CEP290: variants seen among roughly 807,000 people sequenced by gnomAD.
CEP290 encodes centrosomal protein of 290 kDa.
Under a neutral mutation model 344.9 loss-of-function variants are expected in CEP290, and 317 were observed. That is an observed-to-expected ratio of 0.92 (90% CI 0.84 to 1.01). The LOEUF (loss-of-function observed/expected upper bound fraction) is 1.01, where lower values mean the gene tolerates loss of function less well. Among genes scored for constraint, CEP290 ranks in the 50% least tolerant of loss-of-function variants. The probability of loss-of-function intolerance (pLI) is 0.00; values close to 1 mark genes in which losing one functional copy is unlikely to be tolerated. For synonymous variants in CEP290, 932 were observed against 895.8 expected, an observed-to-expected ratio of 1.04 and a Z score of -0.72; for missense variants, 2,754 against 2,761.4, an observed-to-expected ratio of 1.00 and a Z score of 0.06.
Position 88,053,542 on chromosome 12 carries a change from C to A in CEP290, c.7129+110G>T, listed in dbSNP as rs1330914155. 4.5e-5 allele frequency: 28 copies of A among 622,424 alleles called. No individual in the cohort carries two copies. The East Asian group carries it at 7.8e-4, about 17-fold the overall frequency. The allele number at this position is 622,424 out of a possible 1,614,324, so 38.6% of individuals were successfully genotyped here. ...AAAGACCCAAAGCTTATCAGGAATT[C>A]GATTTTACAGGGAGACAATGATCAG... On this transcript the variant is annotated intron_variant, in intron 52 of 53. Coordinates refer to ENST00000552810, the MANE Select transcript of CEP290 (RefSeq NM_025114.4).
At position 88,106,755 on chromosome 12, in the gene CEP290, C is replaced by G; in HGVS notation, c.2737G>C (p.Glu913Gln). 1 of 1,611,066 alleles carries G rather than the reference C, an allele frequency of 6.2e-7. No individual in the cohort carries two copies. Among genetic ancestry groups the G allele is most frequent in the Non-Finnish European group, 8.5e-7 (1 of 1,178,496 alleles). The change falls in exon 25 of 54, where the codon GAA becomes CAA. Residue 913 changes from glutamate (E) to glutamine (Q), a missense_variant. Physicochemically the swap from Glu to Gln is conservative, Grantham distance 29. Transcript: ENST00000552810. ...AATTCATTCTTTTGCTTCTCATTTT[C>G]TTTTCTAAGTTGTCGCTCCAATTCT... is the stretch of plus-strand genomic sequence containing the variant. ...LVELERQLRK[E>Q]NEKQKNELLS...
At chr12:88,055,041 C>T (rs2033884596) in intron 50 of CEP290, among the ~76,000 whole-genome samples, 1 of 152,046 alleles carries the variant, frequency 6.6e-6, no homozygotes, top group African/African-American at 2.4e-5. Flanking sequence ...AAACTGGGTG[C>T]CAGACCTCAT....
chr12:88,124,435 T>C (rs1489437384), intron 13 of CEP290, among the ~76,000 whole-genome samples: 1 of 152,124 alleles, frequency 6.6e-6, no homozygotes, highest in African/African-American at 2.4e-5. Flanking sequence ...AGGCTTTTGC[T>C]TCATTTTTGA....
chr12:88,059,581 G>GT (rs1274873337), intron 48 of CEP290, among the ~76,000 whole-genome samples: 6 of 151,948 alleles, frequency 3.9e-5, no homozygotes, highest in Non-Finnish European at 8.8e-5. Context: ...CTAATTTTTT[G>GT]TATTTTTAGT....
Position 88,141,254 on chromosome 12 carries a change from C to G in CEP290, c.54G>C (p.Leu18=), listed in dbSNP as rs886049885. The G allele has an allele frequency of 1.9e-6, 3 of 1,610,790 alleles. No homozygotes were observed. ...KEIMKVDPDD[L]PRQEELADNL... ...TATCTGCCAGTTCTTCTTGACGGGG[C>G]AGGTCATCTGGGTCAACTTTCATTA... Residue 18 remains leucine, a synonymous_variant, in exon 2 of 54, where the codon CTG becomes CTC. Transcript: ENST00000552810.
At chr12:88,077,019 C>T (rs2035829357) in intron 41 of CEP290, among the ~76,000 whole-genome samples, 1 of 151,930 alleles carries the variant, frequency 6.6e-6, no homozygotes, top group Admixed American at 6.6e-5. Flanking sequence ...TAGGTATCTC[C>T]TCAAGTAGAC....
At chr12:88,125,411 T>C in intron 12 of CEP290, 42 bp from the exon 13 acceptor site, 1 of 1,047,080 alleles carries the variant, frequency 9.6e-7, no homozygotes, top group Non-Finnish European at 1.3e-6. Flanking sequence ...TTCATGAATA[T>C]TAACCTAAAA....
intron 29 of CEP290, among the ~76,000 whole-genome samples, chr12:88,092,458 A>C (rs1317556441): frequency 6.6e-6 from 1 of 152,114 alleles, no homozygotes; most frequent in African/African-American, 2.4e-5. Context: ...AACTCTAAAA[A>C]ATGCAAATCT....
At position 88,096,516 on chromosome 12, in the gene CEP290, T is replaced by A. The variant is rs545638782; in HGVS notation, c.3103+372A>T. On this transcript the variant is annotated intron_variant, in intron 27 of 53. Coordinates refer to ENST00000552810, the MANE Select transcript of CEP290 (RefSeq NM_025114.4). ...ACATTTTCTTTGCTGTTTCCTGGTATCTTTTAATTTAAAAATATCAAGTGA... is the reference window on the plus strand; with the variant it reads ...ACATTTTCTTTGCTGTTTCCTGGTAACTTTTAATTTAAAAATATCAAGTGA... Among the ~76,000 whole-genome samples the A allele has an allele frequency of 7.9e-5, 12 of 152,270 alleles. No homozygotes were observed. In the South Asian group the frequency reaches 2.5e-3, roughly 32 times the overall value.
At chr12:88,077,113 T>A (rs2035834900) in intron 41 of CEP290, 109 bp downstream of exon 41, 1 of 1,042,762 alleles carries the variant, frequency 9.6e-7, no homozygotes, top group Admixed American at 3.2e-5. Context: ...ACAGAATTAA[T>A]ACAGCCAGGT....
intron 44 of CEP290, among the ~76,000 whole-genome samples, chr12:88,066,037 ACT>A (rs1462676366): frequency 2.0e-5 from 3 of 152,194 alleles, no homozygotes; most frequent in Non-Finnish European, 4.4e-5. Flanking sequence ...GAAGTCTCAA[ACT>A]CTTATTTATT....
chr12:88,083,412 T>C (rs1447963290), intron 36 of CEP290, among the ~76,000 whole-genome samples, 182 bp from the exon 37 acceptor site: 2 of 152,218 alleles, frequency 1.3e-5, no homozygotes, highest in East Asian at 3.8e-4. Context: ...GTATTTACAA[T>C]AGCTAGCAAA....
chr12:88,092,867 C>T, intron 28 of CEP290, 35 bp from the exon 29 acceptor site: 1 of 1,597,100 alleles, frequency 6.3e-7, no homozygotes. Context: ...TCAGATACAT[C>T]AATTTTTGGT....
At chr12:88,087,049 C>G (rs887896780) in intron 32 of CEP290, among the ~76,000 whole-genome samples, 1 of 152,122 alleles carries the variant, frequency 6.6e-6, no homozygotes, top group African/African-American at 2.4e-5. Context: ...CAGGCACTGA[C>G]AGTGTAAATA....
intron 9 of CEP290, 139 bp downstream of exon 9, chr12:88,130,129 T>G: frequency 1.0e-6 from 1 of 993,212 alleles, no homozygotes; most frequent in Non-Finnish European, 1.4e-6. Context: ...AAAGATGTAA[T>G]TTATTTCACA....
intron 52 of CEP290, among the ~76,000 whole-genome samples, chr12:88,052,587 A>C (rs748100803): frequency 3.9e-5 from 6 of 152,176 alleles, no homozygotes; most frequent in Non-Finnish European, 8.8e-5. Context: ...CAATTAGTGA[A>C]TATCAAACCA....
Position 88,063,987 on chromosome 12 carries a change from T to C in CEP290, c.6264A>G (p.Arg2088=), listed in dbSNP as rs2136812129. Residue 2088 remains arginine (R), a synonymous_variant, in exon 45 of 54, where the codon AGA becomes AGG. Coordinates refer to ENST00000552810, the MANE Select transcript of CEP290 (RefSeq NM_025114.4). The stretch of plus-strand genomic sequence containing the variant: ...TAAAAAACATTAAATTCACCTTTAA[T>C]CTTGGCAAATCTTTATTTGCTTGTT... The part of the protein sequence containing the change: ...QLEQANKDLP[R]LKNQVRDLKE... The C allele has an allele frequency of 6.3e-7, 1 of 1,594,998 alleles. No homozygotes were observed. The highest frequency in any genetic ancestry group is 1.8e-5 in the Admixed American group (1 of 56,990).
intron 25 of CEP290, among the ~76,000 whole-genome samples, chr12:88,104,690 T>C (rs2038143996): frequency 6.6e-6 from 1 of 152,078 alleles, no homozygotes; most frequent in East Asian, 1.9e-4. Context: ...ACTTTGCCTA[T>C]ACATTCTCAG....
rs1007548055 is a variant in CEP290, at chr12:88,102,877, A to G, written c.2952T>C (p.Asn984=). 6.2e-7 allele frequency: 1 copy of G among 1,610,852 alleles called. No homozygotes were observed. Among genetic ancestry groups the G allele is most frequent in the Non-Finnish European group, 8.5e-7 (1 of 1,178,554 alleles). ...AGTTACTTGTTCTTTGAACAAGCATATTATCTTTTTGCAAGATGTCCCTGT... is the reference window on the plus strand; with the variant it reads ...AGTTACTTGTTCTTTGAACAAGCATGTTATCTTTTTGCAAGATGTCCCTGT... ...AKYRDILQKD[N]MLVQRTSNLE... is the part of the protein sequence containing the mutation. Residue 984 remains asparagine (N), a synonymous_variant, in exon 26 of 54, where the codon AAT becomes AAC. Coordinates refer to ENST00000552810, the MANE Select transcript of CEP290 (RefSeq NM_025114.4).
Sources: gnomAD v4.1 joint callset for allele counts (sites outside exome capture counted in the v4.1 genomes callset) on GRCh38, gnomAD v4.1.1 for gene constraint, MANE v1.5 for transcripts, NCBI Gene and HGNC (gene_info 2026-07-23, HGNC 2026-07-21) for gene names.